Variants in PDCD11 observed in about 807,000 individuals in gnomAD.
The protein encoded by PDCD11 is protein RRP5 homolog.
A neutral mutation model predicts 198.9 loss-of-function variants in PDCD11; 97 were observed. The observed-to-expected ratio is 0.49, with a 90% CI of 0.41 to 0.58. The LOEUF is 0.58. PDCD11 is among the 20% of genes least tolerant of loss of function. The pLI, the probability that PDCD11 is intolerant of heterozygous loss-of-function variation, is 0.00. For synonymous variants in PDCD11, 893 were observed against 918.0 expected, an observed-to-expected ratio of 0.97 and a Z score of 0.49; for missense variants, 2,102 against 2,312.7, an observed-to-expected ratio of 0.91 and a Z score of 1.87.
chr10:103,403,119 C>A lies in PDCD11; in HGVS notation c.236C>A (p.Ser79Tyr). ...CACATTTCACTTTTTCTCTTCTAGTCCCTGTGTGAGGGAATGCGTATTTTG... is the reference window on the plus strand; with the variant it reads ...CACATTTCACTTTTTCTCTTCTAGTACCTGTGTGAGGGAATGCGTATTTTG... ...REKFEILSVE[S>Y]LCEGMRILGC... The change falls in exon 4 of 36, where the codon TCC becomes TAC. Residue 79 changes from serine (S) to tyrosine (Y), a missense_variant and splice_region_variant. Physicochemically the swap from Ser to Tyr is moderately radical, Grantham distance 144. Transcript: ENST00000369797. The A allele has an allele frequency of 6.2e-7, 1 of 1,613,804 alleles. No homozygotes were observed. Among genetic ancestry groups the A allele is most frequent in the South Asian group, 1.1e-5 (1 of 91,048 alleles).
Position 103,405,148 on chromosome 10 carries a change from AGAGTGCT to A in PDCD11, c.540_546del (p.Ser180ArgfsTer3). The stretch of plus-strand genomic sequence containing the variant: ...GTCTCTGAACCCCAAAAATGTCAAC[AGAGTGCT>A]GAGTGCTGAGGCCCTGAAGCCTGGC... On this transcript the variant is annotated frameshift_variant, in exon 5 of 36. Transcript: ENST00000369797. LOFTEE classifies it high-confidence loss of function. The A allele has an allele frequency of 1.2e-6, 2 of 1,613,946 alleles. No homozygotes were observed. The highest frequency in any genetic ancestry group is 1.7e-6 in the Non-Finnish European group (2 of 1,179,986).
chr10:103,434,174 A>G, intron 23 of PDCD11, 74 bp from the exon 24 acceptor site: 2 of 1,219,524 alleles, frequency 1.6e-6, no homozygotes, highest in Non-Finnish European at 2.4e-6. Flanking sequence ...CTTGCTTTGG[A>G]GACTTAAATG....
intron 25 of PDCD11, among the ~76,000 whole-genome samples, chr10:103,437,788 C>T (rs538533550): frequency 1.3e-5 from 2 of 152,174 alleles, no homozygotes; most frequent in East Asian, 1.9e-4. Context: ...GTGCCCAGCC[C>T]GGTAGTGTTA....
chr10:103,418,603 T>C lies in PDCD11; in HGVS notation c.2075T>C (p.Val692Ala). Residue 692 changes from valine (V) to alanine (A), a missense_variant, in exon 15 of 36, where the codon GTC becomes GCC. Coordinates refer to ENST00000369797, the MANE Select transcript of PDCD11 (RefSeq NM_014976.2). ...CAGGCAGGTGACATCCTTCACCGAG[T>C]CCTGTGTCTGAGCCAGAGCGAGGGG... ...WLQAGDILHR[V>A]LCLSQSEGRV... is the part of the protein sequence containing the mutation. The C allele has an allele frequency of 6.2e-7, 1 of 1,614,100 alleles. No homozygotes were observed. The highest frequency in any genetic ancestry group is 8.5e-7 in the Non-Finnish European group (1 of 1,179,996).
intron 20 of PDCD11, among the ~76,000 whole-genome samples, chr10:103,426,928 C>CA (rs1017044267): frequency 0.035 from 4,522 of 129,516 alleles, 102 homozygotes; most frequent in East Asian, 0.095. Context: ...CCCATCTCTA[C>CA]AAAAAAAAAA....
In PDCD11 at chr10:103,415,072, TACCTCCCATGC is replaced by T. The variant is rs1564762878; in HGVS notation, c.1444_1454del (p.Pro482GlyfsTer2). 6.2e-7 allele frequency: 1 copy of T among 1,613,914 alleles called. No homozygotes were observed. Among genetic ancestry groups the T allele is most frequent in the South Asian group, 1.1e-5 (1 of 91,068 alleles). Reference sequence around the variant, plus strand: ...GTGGGCGAGCAGATGAGGGGCCTGGTACCTCCCATGCACCTGGCTGACATCCTGATGAAGAA... The same window carrying T: ...GTGGGCGAGCAGATGAGGGGCCTGGTACCTGGCTGACATCCTGATGAAGAA... On this transcript the variant is annotated frameshift_variant, in exon 12 of 36. Coordinates refer to ENST00000369797, the MANE Select transcript of PDCD11 (RefSeq NM_014976.2). LOFTEE classifies it high-confidence loss of function.
chr10:103,405,981 C>A lies in PDCD11; in HGVS notation c.565-4C>A. On this transcript the variant is annotated splice_region_variant and splice_polypyrimidine_tract_variant and intron_variant, in intron 5 of 35. Coordinates refer to ENST00000369797, the MANE Select transcript of PDCD11 (RefSeq NM_014976.2). ...AACTTCTGGGACTACTTTCTCTTCCCCAGCTACTTACAGGTACCGTATCCA... is the reference window on the plus strand; with the variant it reads ...AACTTCTGGGACTACTTTCTCTTCCACAGCTACTTACAGGTACCGTATCCA... 2 of 1,613,320 alleles carry A rather than the reference C, an allele frequency of 1.2e-6. No homozygotes were observed. The highest frequency in any genetic ancestry group is 1.7e-6 in the Non-Finnish European group (2 of 1,179,462).
Position 103,418,557 on chromosome 10 carries a change from C to G in PDCD11, c.2029C>G (p.Pro677Ala). The G allele has an allele frequency of 6.2e-7, 1 of 1,614,140 alleles. No individual in the cohort carries two copies. The change falls in exon 15 of 36, where the codon CCA (proline) becomes GCA (alanine). Residue 677 changes from proline to alanine, a missense_variant. Physicochemically the swap from Pro to Ala is conservative, Grantham distance 27. Transcript: ENST00000369797. ...TCTGTCGGACCACGTTGCCAACGGC[C>G]CATTGTTACATCATTGGCTCCAGGC... ...SHLSDHVANG[P>A]LLHHWLQAGD... is the part of the protein sequence containing the mutation.
chr10:103,443,355 G>A (rs746200496), intron 33 of PDCD11, 22 bp downstream of exon 33: 40 of 1,579,440 alleles, frequency 2.5e-5, no homozygotes, highest in Non-Finnish European at 2.9e-5. Flanking sequence ...GGCCACAGAC[G>A]AACTCCTGGG....
chr10:103,414,130 A>G (rs2030966765), intron 10 of PDCD11, 40 bp downstream of exon 10: 1 of 1,595,058 alleles, frequency 6.3e-7, no homozygotes, highest in Non-Finnish European at 8.6e-7. Flanking sequence ...AGAGATGTGC[A>G]CCTGTACATG....
At chr10:103,398,206 A>G (rs2093447509) in intron 1 of PDCD11, among the ~76,000 whole-genome samples, 1 of 152,228 alleles carries the variant, frequency 6.6e-6, no homozygotes, top group African/African-American at 2.4e-5. Flanking sequence ...TTTCTGGAAG[A>G]AGGTGGGTGG....
At chr10:103,401,060 C>T (rs1460111557) in intron 3 of PDCD11, among the ~76,000 whole-genome samples, 1 of 152,068 alleles carries the variant, frequency 6.6e-6, no homozygotes, top group Middle Eastern at 3.2e-3. Context: ...TGCCTGCCCC[C>T]TTTTTTTCCT....
chr10:103,441,850 G>T lies in PDCD11; in HGVS notation c.4582G>T (p.Ala1528Ser). ...GGAGAAGCAAACCAAGCCAGCAGAA[G>T]CGCCCCGGCTGCAGCTGTCTTCAGG... is the stretch of plus-strand genomic sequence containing the variant. ...PKEKQTKPAE[A>S]PRLQLSSGFA... The change falls in exon 31 of 36, where the codon GCG becomes TCG. Residue 1528 changes from alanine (A) to serine (S), a missense_variant. By Grantham distance (99) the Ala-to-Ser change is moderately conservative. Coordinates refer to ENST00000369797, the MANE Select transcript of PDCD11 (RefSeq NM_014976.2). 2 of 1,614,206 alleles carry T rather than the reference G, an allele frequency of 1.2e-6. No individual in the cohort carries two copies. The highest frequency in any genetic ancestry group is 1.7e-4 in the Middle Eastern group (1 of 6,054).
At position 103,422,973 on chromosome 10, in the gene PDCD11, T is replaced by G; in HGVS notation, c.2498-15T>G. 1 of 1,484,408 alleles carries G rather than the reference T, an allele frequency of 6.7e-7. No homozygotes were observed. The highest frequency in any genetic ancestry group is 1.5e-5 in the South Asian group (1 of 68,538). 92.0% of individuals were successfully genotyped at this position (1,484,408 alleles called of 1,614,324 possible). Reference sequence around the variant, plus strand: ...TTCATGGTACTAATCCGTGTTTCCTTTGGATCTCTGGCAGACTCTGTGTTG... The same window carrying G: ...TTCATGGTACTAATCCGTGTTTCCTGTGGATCTCTGGCAGACTCTGTGTTG... On this transcript the variant is annotated splice_polypyrimidine_tract_variant and intron_variant, in intron 17 of 35. Transcript: ENST00000369797.
chr10:103,398,961 C>A (rs1475633166), intron 2 of PDCD11, among the ~76,000 whole-genome samples: 1 of 152,094 alleles, frequency 6.6e-6, no homozygotes, highest in African/African-American at 2.4e-5. Flanking sequence ...TTGCACTGAC[C>A]CAATATTGTG....
chr10:103,437,680 G>C (rs1043294055), intron 25 of PDCD11, among the ~76,000 whole-genome samples: 1 of 151,934 alleles, frequency 6.6e-6, no homozygotes. Flanking sequence ...AGTAGAGATG[G>C]GGTTTCACCG....
At position 103,416,881 on chromosome 10, in the gene PDCD11, T is replaced by C. The variant is rs2031141063; in HGVS notation, c.1770+139T>C. ...GGGCAGTGGGTGTGAGCCGGCTAAA[T>C]GGAGGAGACGGGGAACAGAACAGAG... On this transcript the variant is annotated intron_variant, in intron 13 of 35. Coordinates refer to ENST00000369797, the MANE Select transcript of PDCD11 (RefSeq NM_014976.2). 3.2e-6 allele frequency: 3 copies of C among 950,078 alleles called. No homozygotes were observed. The East Asian group carries it at 7.2e-5, about 23-fold the overall frequency. The allele number at this position is 950,078 out of a possible 1,614,324, so 58.9% of individuals were successfully genotyped here. A position where few individuals can be genotyped will look rare whatever the true frequency, so the allele number is the denominator to read the frequency against.
Position 103,445,860 on chromosome 10 carries a change from A to T in PDCD11, c.*311A>T, listed in dbSNP as rs577759325. On this transcript the variant is annotated 3_prime_UTR_variant, in exon 36 of 36. Coordinates refer to ENST00000369797, the MANE Select transcript of PDCD11 (RefSeq NM_014976.2). ...CTTCCAGGGGAGTTCCCTGGGGAGC[A>T]AGAGTAGAGGGGCTATTCCCGAGGG... is the stretch of plus-strand genomic sequence containing the variant. 3.3e-6 allele frequency: 1 copy of T among 305,248 alleles called. No individual in the cohort carries two copies. The highest frequency in any genetic ancestry group is 2.1e-5 in the African/African-American group (1 of 47,356). 18.9% of individuals were successfully genotyped at this position (305,248 alleles called of 1,614,324 possible). A position where few individuals can be genotyped will look rare whatever the true frequency, so the allele number is the denominator to read the frequency against.
At chr10:103,421,753 A>G (rs2031442675) in intron 17 of PDCD11, among the ~76,000 whole-genome samples, 186 bp downstream of exon 17, 1 of 151,426 alleles carries the variant, frequency 6.6e-6, no homozygotes, top group African/African-American at 2.4e-5. Context: ...TCATGAGGTC[A>G]GGAGATCGAG....
Sources: allele counts gnomAD v4.1 joint callset (sites outside exome capture counted in the v4.1 genomes callset), GRCh38; gene constraint gnomAD v4.1.1; transcripts MANE v1.5; gene names NCBI Gene and HGNC (gene_info 2026-07-23, HGNC 2026-07-21).